STAR: variants seen among roughly 807,000 people sequenced by gnomAD.
STAR encodes steroidogenic acute regulatory protein, mitochondrial.
In STAR, 32 loss-of-function variants were observed where a neutral mutation model predicts 32.3. The ratio of observed to expected loss-of-function variants is 0.99; its 90% confidence interval spans 0.75 to 1.33. The LOEUF is 1.33. STAR is among the 40% of genes most tolerant of loss of function. STAR has a pLI of 0.00. For synonymous variants in STAR, 134 were observed against 140.5 expected, an observed-to-expected ratio of 0.95 and a Z score of 0.33; for missense variants, 375 against 379.0, an observed-to-expected ratio of 0.99 and a Z score of 0.09.
chr8:38,144,474 G>A (rs1035324383), intron 6 of STAR, 88 bp from the exon 7 acceptor site: 8 of 1,537,644 alleles, frequency 5.2e-6, no homozygotes, highest in Non-Finnish European at 7.0e-6. Flanking sequence ...GCTGCCAGGG[G>A]CTTGGTCTTC....
intron 1 of STAR, among the ~76,000 whole-genome samples, chr8:38,150,057 C>G (rs2130619296): frequency 6.6e-6 from 1 of 152,130 alleles, no homozygotes; most frequent in Non-Finnish European, 1.5e-5. Context: ...CCACTGCGCT[C>G]CAGGCTGGGC....
Position 38,148,267 on chromosome 8 carries a change from T to C in STAR, c.239A>G (p.Glu80Gly). The C allele has an allele frequency of 3.1e-6, 5 of 1,613,850 alleles. No homozygotes were observed. Among genetic ancestry groups the C allele is most frequent in the Non-Finnish European group, 4.2e-6 (5 of 1,179,896 alleles). Residue 80 changes from glutamate (E) to glycine (G), a missense_variant, in exon 3 of 7, where the codon GAG (glutamate) becomes GGG (glycine). By Grantham distance (98) the Glu-to-Gly change is moderately conservative. Transcript: ENST00000276449. Reference sequence around the variant, plus strand: ...GCCCAAGGCCTTCTGCATGGCCTCCTCCCCCTGCTGGAGATAGGCCAGCTC... The same window carrying C: ...GCCCAAGGCCTTCTGCATGGCCTCCCCCCCCTGCTGGAGATAGGCCAGCTC... ...DQELAYLQQG[E>G]EAMQKALGIL...
chr8:38,150,233 AAAAT>A (rs1029240707), intron 1 of STAR, among the ~76,000 whole-genome samples: 76 of 151,846 alleles, frequency 5.0e-4, no homozygotes, highest in African/African-American at 1.7e-3. Context: ...AATAAAAATA[AAAAT>A]AAATAAATAA....
rs1012591362 is a variant in STAR, at chr8:38,144,969, A to T, written c.744+253T>A. The T allele has an allele frequency of 2.5e-5, 33 of 1,297,614 alleles. No individual in the cohort carries two copies. The African/African-American group carries it at 4.8e-4, about 19-fold the overall frequency. The allele number at this position is 1,297,614 out of a possible 1,614,324, so 80.4% of individuals were successfully genotyped here. ...GGTTACGGTGAGCTGAGACCATGTC[A>T]TTGTACTCCAGCCTGAGTGACAGAA... On this transcript the variant is annotated intron_variant, in intron 6 of 6. Coordinates refer to ENST00000276449, the MANE Select transcript of STAR (RefSeq NM_000349.3).
intron 1 of STAR, 49 bp downstream of exon 1, chr8:38,150,706 C>T: frequency 1.2e-6 from 2 of 1,602,924 alleles, no homozygotes; most frequent in Non-Finnish European, 1.7e-6. Flanking sequence ...TGAGCCTCAT[C>T]CGCTGAGAGC....
At position 38,150,865 on chromosome 8, in the gene STAR, T is replaced by TGCC. The variant is rs1563269566; in HGVS notation, c.-50_-48dup. The TGCC allele has an allele frequency of 6.3e-7, 1 of 1,599,360 alleles. No individual in the cohort carries two copies. The highest frequency in any genetic ancestry group is 8.5e-7 in the Non-Finnish European group (1 of 1,179,678). The stretch of plus-strand genomic sequence containing the variant: ...GTGGTGGGGTCGCTGCCGCTGCTGC[T>TGCC]GCCGCCGCTGCTGCTGCCTCTTCTC... On this transcript the variant is annotated 5_prime_UTR_variant, in exon 1 of 7. Transcript: ENST00000276449.
In STAR at chr8:38,146,125, T is replaced by A. The variant is rs201579617; in HGVS notation, c.488A>T (p.Asp163Val). ...AGCCAGCTCGTGAGTAATGAATGTATCTTTTCCGATCTTCTGCAGGACCTA... is the reference window on the plus strand; with the variant it reads ...AGCCAGCTCGTGAGTAATGAATGTAACTTTTCCGATCTTCTGCAGGACCTA... ...EIKVLQKIGK[D>V]TFITHELAAE... The change falls in exon 5 of 7, where the codon GAT becomes GTT. Residue 163 changes from aspartate to valine, a missense_variant. Physicochemically the swap from Asp to Val is radical, Grantham distance 152. Transcript: ENST00000276449. 1.2e-4 allele frequency: 195 copies of A among 1,613,878 alleles called. 1 individual carries two copies. The highest frequency in any genetic ancestry group is 6.5e-4 in the East Asian group (29 of 44,882).
Position 38,148,726 on chromosome 8 carries a change from G to A in STAR, c.93C>T (p.Ile31=), listed in dbSNP as rs1360183454. ...KGLRQQAVMA[I]SQELNRRALG... ...GGGCCCTCCGGTTCAGCTCCTGGCT[G>A]ATGGCCATCACAGCCTGTTGCCTCA... Residue 31 remains isoleucine, a synonymous_variant, in exon 2 of 7, where the codon ATC becomes ATT. Transcript: ENST00000276449. 3 of 1,613,930 alleles carry A rather than the reference G, an allele frequency of 1.9e-6. No homozygotes were observed. Among genetic ancestry groups the A allele is most frequent in the East Asian group, 2.2e-5 (1 of 44,882 alleles).
chr8:38,149,587 C>T (rs554145302), intron 1 of STAR, among the ~76,000 whole-genome samples: 86 of 152,268 alleles, frequency 5.6e-4, no homozygotes, highest in African/African-American at 2.0e-3. Context: ...GGAGTCAAGT[C>T]TAATATTTAC....
chr8:38,150,931 C>T lies in STAR; in HGVS notation c.-113G>A, dbSNP rs1388825775. On this transcript the variant is annotated 5_prime_UTR_variant, in exon 1 of 7. Coordinates refer to ENST00000276449, the MANE Select transcript of STAR (RefSeq NM_000349.3). ...CGTCCTTCCTGAGCCCCTCAAGCTT[C>T]GCCTCTGAGTCCCGCAGCTGCAGCC... 5.0e-6 allele frequency: 8 copies of T among 1,594,988 alleles called. No homozygotes were observed. The highest frequency in any genetic ancestry group is 4.0e-5 in the African/African-American group (3 of 74,810).
intron 5 of STAR, chr8:38,145,761 T>C: frequency 1.5e-6 from 1 of 672,126 alleles, no homozygotes; most frequent in Non-Finnish European, 2.5e-6. Flanking sequence ...GGGAGGGTCA[T>C]GACAAGCTGT....
chr8:38,145,152 G>C (rs1167435919), intron 6 of STAR, 70 bp downstream of exon 6: 11 of 1,608,782 alleles, frequency 6.8e-6, no homozygotes, highest in Middle Eastern at 1.7e-4. Context: ...TCTGCAGCAT[G>C]GGGGGAATGG....
chr8:38,143,829 G>C lies in STAR; in HGVS notation c.*444C>G, dbSNP rs1802511079. 3.7e-6 allele frequency: 1 copy of C among 271,860 alleles called. No individual in the cohort carries two copies. The highest frequency in any genetic ancestry group is 4.9e-5 in the Admixed American group (1 of 20,202). 16.8% of individuals were successfully genotyped at this position (271,860 alleles called of 1,614,324 possible). A position where few individuals can be genotyped will look rare whatever the true frequency, so the allele number is the denominator to read the frequency against. ...TGTGCAGCGGCCGGGAGGAGCAGAG[G>C]GCTGCAGGAGACCCTCTGAGATTCT... On this transcript the variant is annotated 3_prime_UTR_variant, in exon 7 of 7. Coordinates refer to ENST00000276449, the MANE Select transcript of STAR (RefSeq NM_000349.3).
At chr8:38,150,061 G>A (rs940729868) in intron 1 of STAR, among the ~76,000 whole-genome samples, 1 of 151,966 alleles carries the variant, frequency 6.6e-6, no homozygotes, top group African/African-American at 2.4e-5. Flanking sequence ...TGCGCTCCAG[G>A]CTGGGCAACA....
intron 1 of STAR, 25 bp downstream of exon 1, chr8:38,150,730 A>T: frequency 2.5e-6 from 4 of 1,605,236 alleles, no homozygotes; most frequent in Non-Finnish European, 3.4e-6. Context: ...CCAACCCCTC[A>T]TCGCCTCCTT....
Position 38,145,399 on chromosome 8 carries a change from C to T in STAR, c.651-84G>A, listed in dbSNP as rs996479922. On this transcript the variant is annotated intron_variant, in intron 5 of 6. Transcript: ENST00000276449. Reference sequence around the variant, plus strand: ...GCTTACACCAGTACCATAGATAACACGTTTCTACGGTACCTTGTCTTTTCT... The same window carrying T: ...GCTTACACCAGTACCATAGATAACATGTTTCTACGGTACCTTGTCTTTTCT... 210 of 1,565,118 alleles carry T rather than the reference C, an allele frequency of 1.3e-4. 1 individual carries two copies. The East Asian group carries it at 4.0e-3, about 30-fold the overall frequency.
rs147676151 is a variant in STAR, at chr8:38,145,084, C to T, written c.744+138G>A. The T allele has an allele frequency of 2.0e-4, 298 of 1,517,902 alleles. 2 individuals are homozygous for T. The African/African-American group carries it at 3.0e-3, about 15-fold the overall frequency. 94.0% of individuals were successfully genotyped at this position (1,517,902 alleles called of 1,614,324 possible). ...TGGTAGAGTAGCAGTTAGGCCATCA[C>T]TCCAGACCCTTCCCTGTCTTACAGC... On this transcript the variant is annotated intron_variant, in intron 6 of 6. Coordinates refer to ENST00000276449, the MANE Select transcript of STAR (RefSeq NM_000349.3).
intron 1 of STAR, among the ~76,000 whole-genome samples, chr8:38,149,282 C>T (rs886362933): frequency 9.2e-5 from 14 of 152,148 alleles, no homozygotes; most frequent in African/African-American, 2.9e-4. Flanking sequence ...CTAGTGAGGA[C>T]GACAACACCA....
chr8:38,148,505 T>C, intron 2 of STAR, 136 bp downstream of exon 2: 17 of 1,342,670 alleles, frequency 1.3e-5, no homozygotes, highest in Non-Finnish European at 1.8e-5. Flanking sequence ...GGATCTGGCC[T>C]TGAGGAACTC....
Sources: allele counts gnomAD v4.1 joint callset (sites outside exome capture counted in the v4.1 genomes callset), GRCh38; gene constraint gnomAD v4.1.1; transcripts MANE v1.5; gene names NCBI Gene and HGNC (gene_info 2026-07-23, HGNC 2026-07-21).